FUT8: variants seen among roughly 807,000 people sequenced by gnomAD.
FUT8 encodes fucosyltransferase 8.
A neutral mutation model predicts 71.3 loss-of-function variants in FUT8; 29 were observed. That is an observed-to-expected ratio of 0.41 (90% confidence interval 0.30 to 0.55). FUT8 has a LOEUF of 0.55. Ranked by LOEUF, FUT8 falls within the 20% of genes least tolerant of loss-of-function variation. FUT8 has a pLI of 0.34. For synonymous variants in FUT8, 254 were observed against 239.3 expected, an observed-to-expected ratio of 1.06 and a Z score of -0.57; for missense variants, 544 against 702.1, an observed-to-expected ratio of 0.77 and a Z score of 2.55.
intron 5 of FUT8, among the ~76,000 whole-genome samples, chr14:65,623,782 C>T (rs1889752006): frequency 6.6e-6 from 1 of 152,158 alleles, no homozygotes; most frequent in Non-Finnish European, 1.5e-5. Flanking sequence ...TTTATTGTAT[C>T]CTCAAATGGC....
chr14:65,598,273 A>ATCT (rs1888101235), intron 3 of FUT8, among the ~76,000 whole-genome samples: 2 of 151,826 alleles, frequency 1.3e-5, no homozygotes, highest in African/African-American at 4.8e-5. Flanking sequence ...CCCGGGCTGG[A>ATCT]GTGTAGTGGC....
At chr14:65,473,974 G>C (rs2066189470) in intron 2 of FUT8, among the ~76,000 whole-genome samples, 1 of 152,052 alleles carries the variant, frequency 6.6e-6, no homozygotes, top group Non-Finnish European at 1.5e-5. Flanking sequence ...CCATAAAGAA[G>C]AATGAAATAA....
chr14:65,380,208 T>C, the FUT8 span, among the ~76,000 whole-genome samples: 5 of 152,150 alleles, frequency 3.3e-5, no homozygotes, highest in Admixed American at 6.6e-5. Flanking sequence ...TACATGGCAG[T>C]GGCAAGAGAA....
At position 65,510,086 on chromosome 14, in the gene FUT8, T is replaced by A. The variant is rs147660826; in HGVS notation, c.-227-51251T>A. On this transcript the variant is annotated intron_variant, in intron 2 of 10. Transcript: ENST00000673929. ...GTTGTGGGTCTTTTGTATATGGCTT[T>A]TATTATGTTGATGTGTGTTTCTTCT... Among the ~76,000 whole-genome samples the A allele has an allele frequency of 9.8e-3, 1,485 of 152,290 alleles. 24 individuals carry two copies. The highest frequency in any genetic ancestry group is 0.034 in the African/African-American group (1,425 of 41,558).
intron 10 of FUT8, among the ~76,000 whole-genome samples, chr14:65,734,391 C>T (rs1419015668): frequency 1.3e-5 from 2 of 151,982 alleles, no homozygotes; most frequent in Middle Eastern, 3.2e-3. Flanking sequence ...GATGGGATGG[C>T]GATATGATTT....
At chr14:65,400,245 C>T in the FUT8 span, among the ~76,000 whole-genome samples, 1,199 of 152,230 alleles carry the variant, frequency 7.9e-3, 10 homozygotes, top group Non-Finnish European at 0.011. Context: ...CAACCGTGCC[C>T]CAAATCTCAT....
chr14:65,423,720 C>G (rs1284802133), intron 1 of FUT8, among the ~76,000 whole-genome samples: 2 of 152,182 alleles, frequency 1.3e-5, no homozygotes, highest in Non-Finnish European at 2.9e-5. Flanking sequence ...GCTTTAGATC[C>G]TTCGCCTTCC....
chr14:65,704,788 T>C (rs548971102), intron 7 of FUT8, among the ~76,000 whole-genome samples: 26 of 152,230 alleles, frequency 1.7e-4, no homozygotes, highest in Non-Finnish European at 2.8e-4. Flanking sequence ...CAAATCTCTT[T>C]TGTCTTTTTT....
chr14:65,563,958 C>T (rs1253169368), intron 3 of FUT8, among the ~76,000 whole-genome samples: 4 of 152,012 alleles, frequency 2.6e-5, no homozygotes, highest in Admixed American at 1.3e-4. Flanking sequence ...AGTCTGAAAA[C>T]AGACTAAGCA....
At chr14:65,608,721 C>T (rs1233244741) in intron 3 of FUT8, among the ~76,000 whole-genome samples, 2 of 151,812 alleles carry the variant, frequency 1.3e-5, no homozygotes, top group African/African-American at 4.8e-5. Context: ...TACAGGAAAC[C>T]CTAGTGATTA....
chr14:65,440,799 GTC>G, intron 1 of FUT8, among the ~76,000 whole-genome samples: 1 of 152,006 alleles, frequency 6.6e-6, no homozygotes, highest in Non-Finnish European at 1.5e-5. Context: ...TTTTATTTGG[GTC>G]CATGAAGAAC....
intron 3 of FUT8, among the ~76,000 whole-genome samples, chr14:65,564,343 T>C (rs143616107): frequency 1.3e-5 from 2 of 152,164 alleles, no homozygotes; most frequent in African/African-American, 4.8e-5. Flanking sequence ...GAAACTACAA[T>C]TTTTTAGATT....
chr14:65,395,167 C>T, the FUT8 span, among the ~76,000 whole-genome samples: 1 of 152,254 alleles, frequency 6.6e-6, no homozygotes, highest in African/African-American at 2.4e-5. Flanking sequence ...TTGCATGGTA[C>T]AGCCTCCCTC....
chr14:65,465,598 T>C (rs959398908), intron 2 of FUT8, among the ~76,000 whole-genome samples: 1 of 152,248 alleles, frequency 6.6e-6, no homozygotes, highest in African/African-American at 2.4e-5. Flanking sequence ...TATTTTGAGA[T>C]TTTCCAGCTA....
chr14:65,565,032 T>G (rs1238770617), intron 3 of FUT8, among the ~76,000 whole-genome samples: 1 of 151,972 alleles, frequency 6.6e-6, no homozygotes, highest in Admixed American at 6.6e-5. Flanking sequence ...AGTCCAAGAT[T>G]GAACAGCTGC....
chr14:65,502,521 G>T (rs977767175), intron 2 of FUT8, among the ~76,000 whole-genome samples: 1 of 152,084 alleles, frequency 6.6e-6, no homozygotes, highest in African/African-American at 2.4e-5. Flanking sequence ...CACCGTGCCC[G>T]GCCCGGGTCC....
intron 6 of FUT8, among the ~76,000 whole-genome samples, chr14:65,668,646 G>T (rs569283097): frequency 6.6e-6 from 1 of 152,088 alleles, no homozygotes; most frequent in Non-Finnish European, 1.5e-5. Flanking sequence ...AACTTAGAGA[G>T]CTACTATTTG....
chr14:65,700,381 G>GTTTTTTTTTTT lies in FUT8; in HGVS notation c.836-21377_836-21367dup, dbSNP rs763718984. On this transcript the variant is annotated intron_variant, in intron 7 of 10. Transcript: ENST00000673929. ...AAACTACTTTCTTTTCTTTCTTTCTGTTTTTTTTTTTTTTTTTTTTTTTTT... is the reference window on the plus strand; with the variant it reads ...AAACTACTTTCTTTTCTTTCTTTCTGTTTTTTTTTTTTTTTTTTTTTTTTTTTTTTTTTTTT... 4.3e-4 allele frequency among the ~76,000 whole-genome samples: 21 copies of GTTTTTTTTTTT among 48,882 alleles called. 5 individuals carry two copies. The highest frequency in any genetic ancestry group is 1.2e-3 in the African/African-American group (14 of 11,840). 32.1% of individuals were successfully genotyped at this position (48,882 alleles called of 152,430 possible). A position where few individuals can be genotyped will look rare whatever the true frequency, so the allele number is the denominator to read the frequency against.
chr14:65,535,616 C>A (rs1226857647), intron 2 of FUT8, among the ~76,000 whole-genome samples: 2 of 152,144 alleles, frequency 1.3e-5, no homozygotes, highest in Non-Finnish European at 2.9e-5. Context: ...GTCCCAACTT[C>A]TATTTTTATT....
Sources: gnomAD v4.1 joint callset for allele counts (sites outside exome capture counted in the v4.1 genomes callset) on GRCh38, gnomAD v4.1.1 for gene constraint, MANE v1.5 for transcripts, NCBI Gene and HGNC (gene_info 2026-07-23, HGNC 2026-07-21) for gene names.